RARB: variants seen among roughly 807,000 people sequenced by gnomAD.
RARB encodes retinoic acid receptor beta, also known as HBV-activated protein.
Under a neutral mutation model 51.9 loss-of-function variants are expected in RARB, and 17 were observed. The ratio of observed to expected loss-of-function variants is 0.33; its 90% CI spans 0.22 to 0.49. The LOEUF (loss-of-function observed/expected upper bound fraction) is 0.49, where lower values mean the gene tolerates loss of function less well. Ranked by LOEUF, RARB falls within the 20% of genes least tolerant of loss-of-function variation. The pLI is 0.99. For synonymous variants in RARB, 215 were observed against 195.4 expected, an observed-to-expected ratio of 1.10 and a Z score of -0.84; for missense variants, 369 against 550.8, an observed-to-expected ratio of 0.67 and a Z score of 3.30.
At chr3:25,081,055 T>C (rs937670298) in intron 3 of RARB, among the ~76,000 whole-genome samples, 2 of 152,166 alleles carry the variant, frequency 1.3e-5, no homozygotes, top group Non-Finnish European at 2.9e-5. Context: ...AATTTGCTCT[T>C]CTTTGCTCTC....
In RARB at chr3:25,596,964, C is replaced by T. The variant is rs1701861470; in HGVS notation, c.*348C>T. The T allele has an allele frequency of 5.3e-6, 1 of 187,346 alleles. No homozygotes were observed. The highest frequency in any genetic ancestry group is 2.3e-5 in the African/African-American group (1 of 42,732). The allele number at this position is 187,346 out of a possible 1,614,324, so 11.6% of individuals were successfully genotyped here. ...AGACTTTGTACATACAGAAGTATGG[C>T]TCTGTTCTTTCTATACTGTATGTTT... On this transcript the variant is annotated 3_prime_UTR_variant, in exon 8 of 8. Transcript: ENST00000330688.
intron 2 of RARB, among the ~76,000 whole-genome samples, chr3:25,047,797 T>A (rs781277360): frequency 1.3e-5 from 2 of 152,248 alleles, no homozygotes; most frequent in African/African-American, 4.8e-5. Context: ...ACCTGAATTA[T>A]GCAGGTGGTT....
intron 2 of RARB, among the ~76,000 whole-genome samples, chr3:25,057,942 C>T (rs1698471400): frequency 6.6e-6 from 1 of 151,884 alleles, no homozygotes; most frequent in Non-Finnish European, 1.5e-5. Flanking sequence ...TACTTCTGAA[C>T]AATTATCATT....
rs60292267 is a variant in RARB, at chr3:24,970,574, A to AACACAC, written c.-379-89525_-379-89520dup. Among the ~76,000 whole-genome samples, 71 of 148,878 alleles carry AACACAC rather than the reference A, an allele frequency of 4.8e-4. 1 individual carries two copies. The South Asian group carries it at 7.1e-3, about 15-fold the overall frequency. ...TAAATAAATTCCACCAAGTCATGTA[A>AACACAC]ACACACACACACACACACACACACA... is the stretch of plus-strand genomic sequence containing the variant. On this transcript the variant is annotated intron_variant, in intron 2 of 11. Coordinates refer to the RARB transcript ENST00000383772.
intron 5 of RARB, among the ~76,000 whole-genome samples, chr3:25,295,724 T>A (rs1376368037): frequency 2.0e-5 from 3 of 152,218 alleles, no homozygotes; most frequent in African/African-American, 7.2e-5. Context: ...TGCTGTGATA[T>A]GTGGACAAGA....
chr3:25,576,191 G>A (rs966195562), intron 4 of RARB, among the ~76,000 whole-genome samples: 1 of 152,170 alleles, frequency 6.6e-6, no homozygotes, highest in African/African-American at 2.4e-5. Flanking sequence ...GCTTCCTAGG[G>A]GCTTTGGGTG....
chr3:24,981,531 C>G (rs748289670), intron 2 of RARB, among the ~76,000 whole-genome samples: 4 of 152,142 alleles, frequency 2.6e-5, no homozygotes, highest in South Asian at 2.1e-4. Flanking sequence ...TGTCCCAGGT[C>G]GATCCCAGAC....
intron 1 of RARB, among the ~76,000 whole-genome samples, chr3:25,447,868 G>A (rs1709016983): frequency 6.6e-6 from 1 of 152,060 alleles, no homozygotes; most frequent in African/African-American, 2.4e-5. Context: ...AGGGAAAATG[G>A]AAGTGAAGGT....
chr3:25,574,304 T>G (rs1469098966), intron 4 of RARB, among the ~76,000 whole-genome samples: 1 of 152,220 alleles, frequency 6.6e-6, no homozygotes, highest in Non-Finnish European at 1.5e-5. Context: ...CTCCTTCATC[T>G]GTATAATGGG....
intron 3 of RARB, among the ~76,000 whole-genome samples, chr3:25,070,585 A>G (rs1247297545): frequency 6.6e-6 from 1 of 152,220 alleles, no homozygotes; most frequent in East Asian, 1.9e-4. Context: ...CAATATACAA[A>G]ATGCAGAGGA....
intron 2 of RARB, among the ~76,000 whole-genome samples, chr3:24,972,823 ATTTTT>A (rs1696430160): frequency 6.6e-6 from 1 of 151,976 alleles, no homozygotes; most frequent in South Asian, 2.1e-4. Flanking sequence ...TCTTTTGTCT[ATTTTT>A]AAATCAAGTT....
Position 25,571,824 on chromosome 3 carries a change from A to G in RARB, c.609+1906A>G, listed in dbSNP as rs953885012. On this transcript the variant is annotated intron_variant, in intron 4 of 7. Transcript: ENST00000330688. Reference sequence around the variant, plus strand: ...AGACAATTTATGAAAAGCTGCTGTGATGGAACCCAAAAATATCTACCCAGC... The same window carrying G: ...AGACAATTTATGAAAAGCTGCTGTGGTGGAACCCAAAAATATCTACCCAGC... Among the ~76,000 whole-genome samples the G allele has an allele frequency of 2.6e-4, 39 of 152,202 alleles. 1 individual carries two copies. The highest frequency in any genetic ancestry group is 7.3e-5 in the Non-Finnish European group (5 of 68,036).
At chr3:25,462,255 G>A (rs1199697889) in intron 2 of RARB, 1 of 152,168 alleles carries the variant, frequency 6.6e-6, no homozygotes, top group Non-Finnish European at 1.5e-5. Flanking sequence ...CAAGACAATT[G>A]TTTTCAAGTC....
intron 5 of RARB, among the ~76,000 whole-genome samples, chr3:25,193,562 C>G (rs2125365192): frequency 6.6e-6 from 1 of 152,098 alleles, no homozygotes; most frequent in East Asian, 1.9e-4. Flanking sequence ...AAGCAATAAA[C>G]TTGTCATAAA....
At chr3:25,444,568 ACAGAGAACAAGTGATCTAAAC>A (rs1180067696) in intron 1 of RARB, among the ~76,000 whole-genome samples, 2 of 152,200 alleles carry the variant, frequency 1.3e-5, no homozygotes, top group African/African-American at 4.8e-5. Flanking sequence ...ATGAAAGGTA[ACAGAGAACAAGTGATCTAAAC>A]CCTCCTTTAG....
At chr3:25,294,755 C>CT (rs1394748651) in intron 5 of RARB, among the ~76,000 whole-genome samples, 1 of 146,958 alleles carries the variant, frequency 6.8e-6, no homozygotes, top group African/African-American at 2.6e-5. Flanking sequence ...GCAATGTATT[C>CT]GTGGCCTCCC....
Position 24,985,154 on chromosome 3 carries a change from C to G in RARB, c.-379-74971C>G, listed in dbSNP as rs138094749. Among the ~76,000 whole-genome samples, 567 of 152,248 alleles carry G rather than the reference C, an allele frequency of 3.7e-3. 4 individuals carry two copies. Among genetic ancestry groups the G allele is most frequent in the African/African-American group, 0.013 (548 of 41,554 alleles). ...TGAGGGGTTCTTTTCAAAACATTAG[C>G]AGTAATTTTGGTTCATGCCCTTTTA... On this transcript the variant is annotated intron_variant, in intron 2 of 11. Transcript: ENST00000383772.
chr3:25,282,122 C>A (rs902403256), intron 5 of RARB, among the ~76,000 whole-genome samples: 2 of 152,210 alleles, frequency 1.3e-5, no homozygotes, highest in South Asian at 4.1e-4. Flanking sequence ...GTAGTTGTTT[C>A]ATGCAGGAAG....
Position 25,266,327 on chromosome 3 carries a change from G to A in RARB, c.178+91752G>A, listed in dbSNP as rs183202382. Among the ~76,000 whole-genome samples the A allele has an allele frequency of 2.1e-3, 317 of 152,074 alleles. 1 individual carries two copies. The highest frequency in any genetic ancestry group is 6.8e-3 in the African/African-American group (283 of 41,480). On this transcript the variant is annotated intron_variant, in intron 5 of 11. Coordinates refer to the RARB transcript ENST00000383772. ...TTCTATCACTTAAATTTAAAATTAT[G>A]ATTATACTATGCAGGCATCCTTTCT...
Sources: allele counts gnomAD v4.1 joint callset (sites outside exome capture counted in the v4.1 genomes callset), GRCh38; gene constraint gnomAD v4.1.1; transcripts MANE v1.5; gene names NCBI Gene and HGNC (gene_info 2026-07-23, HGNC 2026-07-21).